The following MID1 variants were observed in gnomAD, a reference collection of about 807,000 sequenced individuals.
MID1 encodes midline 1, also known as E3 ubiquitin-protein ligase Midline-1.
In MID1, 7 loss-of-function variants were observed where a neutral mutation model predicts 40.4. That is an observed-to-expected ratio of 0.17 (90% CI 0.10 to 0.33). The LOEUF is 0.33. Ranked by LOEUF, MID1 falls within the 10% of genes least tolerant of loss-of-function variation. The pLI is 1.00. For synonymous variants in MID1, 229 were observed against 221.2 expected, an observed-to-expected ratio of 1.04 and a Z score of -0.31; for missense variants, 367 against 558.5, an observed-to-expected ratio of 0.66 and a Z score of 3.46.
chrX:10,667,650 C>A (rs1349997879), intron 1 of MID1, among the ~76,000 whole-genome samples: 1 of 111,278 alleles, frequency 9.0e-6, no homozygotes, highest in Non-Finnish European at 1.9e-5. Context: ...GGAGTCTTTT[C>A]GGAGACCTAG....
intron 2 of MID1, among the ~76,000 whole-genome samples, chrX:10,559,624 G>A (rs1158655645): frequency 8.9e-6 from 1 of 111,780 alleles, no homozygotes; most frequent in African/African-American, 3.3e-5. Flanking sequence ...TACAAGGCTT[G>A]GAAATGGTAG....
intron 1 of MID1, among the ~76,000 whole-genome samples, chrX:10,823,207 C>T (rs2044189586): frequency 9.0e-6 from 1 of 111,444 alleles, no homozygotes; most frequent in Admixed American, 9.5e-5. Context: ...TTATCCTCAG[C>T]AAACTAATTC....
At chrX:10,452,085 T>G (rs908682173) in intron 9 of MID1, among the ~76,000 whole-genome samples, 2 of 111,636 alleles carry the variant, frequency 1.8e-5, no homozygotes, top group African/African-American at 6.5e-5. Context: ...ACAGCATTTT[T>G]ATTTTTTATT....
chrX:10,534,885 T>C (rs1478925296), intron 2 of MID1, among the ~76,000 whole-genome samples: 1 of 112,738 alleles, frequency 8.9e-6, no homozygotes. Context: ...AGCATGCCAT[T>C]GTTTTTCAGC....
chrX:10,621,112 T>C (rs1935928810), upstream of MID1, among the ~76,000 whole-genome samples: 1 of 112,277 alleles, frequency 8.9e-6, no homozygotes. Flanking sequence ...CACAATTTTT[T>C]TGAAATGCAG....
chrX:10,505,649 T>C, intron 3 of MID1: 1 of 753,110 alleles, frequency 1.3e-6, no homozygotes. Context: ...GGTCAGAGGG[T>C]AAACAATAAC....
chrX:10,758,709 C>T (rs2043653465), intron 1 of MID1, among the ~76,000 whole-genome samples: 1 of 108,534 alleles, frequency 9.2e-6, no homozygotes, highest in African/African-American at 3.4e-5. Context: ...GAGATGGTCT[C>T]GATCTCCTGA....
intron 1 of MID1, among the ~76,000 whole-genome samples, chrX:10,754,670 G>A (rs977441552): frequency 9.0e-6 from 1 of 110,835 alleles, no homozygotes; most frequent in Non-Finnish European, 1.9e-5. Flanking sequence ...ACTGTATGAT[G>A]GTGATGCGAT....
At chrX:10,480,841 C>T (rs1271500656) in intron 5 of MID1, among the ~76,000 whole-genome samples, 2 of 111,720 alleles carry the variant, frequency 1.8e-5, no homozygotes, top group Non-Finnish European at 3.8e-5. Context: ...GGACAGTAGA[C>T]CAGAGTTGTA....
At position 10,501,224 on chromosome X, in the gene MID1, G is replaced by A. The variant is rs1238028759; in HGVS notation, c.757-5533C>T. 5.4e-5 allele frequency among the ~76,000 whole-genome samples: 6 copies of A among 111,340 alleles called. No individual in the cohort carries two copies. The Admixed American group carries it at 5.7e-4, about 11-fold the overall frequency. On this transcript the variant is annotated intron_variant, in intron 3 of 9. Transcript: ENST00000317552. The stretch of plus-strand genomic sequence containing the variant: ...ATCGGGAGGCAGAGGCAGGAGAATC[G>A]CTTGAACCCAGGAGTCGGAGGTTAC...
chrX:10,749,198 C>T (rs1200385371), intron 1 of MID1, among the ~76,000 whole-genome samples: 1 of 110,785 alleles, frequency 9.0e-6, no homozygotes, highest in Non-Finnish European at 1.9e-5. Context: ...TTCCAAGACA[C>T]TCATAAACTG....
intron 1 of MID1, among the ~76,000 whole-genome samples, chrX:10,692,390 C>A (rs1455910911): frequency 1.3e-4 from 14 of 111,341 alleles, no homozygotes; most frequent in Non-Finnish European, 2.6e-4. Flanking sequence ...CGTTGAAATA[C>A]TGGGGGCTGG....
At chrX:10,576,174 G>T (rs1221812175) in intron 1 of MID1, among the ~76,000 whole-genome samples, 1 of 111,245 alleles carries the variant, frequency 9.0e-6, no homozygotes, top group Non-Finnish European at 1.9e-5. Flanking sequence ...AACCAGGGAA[G>T]ACTTTTAATT....
chrX:10,765,462 T>C (rs951492399), intron 1 of MID1, among the ~76,000 whole-genome samples: 2 of 112,647 alleles, frequency 1.8e-5, no homozygotes, highest in African/African-American at 3.2e-5. Flanking sequence ...AAATGATTTA[T>C]CATGTAGCAT....
chrX:10,683,865 G>T (rs1339632731), intron 1 of MID1, among the ~76,000 whole-genome samples: 1 of 94,939 alleles, frequency 1.1e-5, no homozygotes, highest in African/African-American at 4.1e-5. Flanking sequence ...CTGCCTCCCT[G>T]GTTTGAGCAA....
rs766542552 is a variant in MID1 at position 10,710,739 on chromosome X, A to G, written c.-186-90320T>C. Among the ~76,000 whole-genome samples the G allele has an allele frequency of 5.4e-5, 6 of 111,509 alleles. No individual in the cohort carries two copies. The South Asian group carries it at 1.9e-3, about 36-fold the overall frequency. The stretch of plus-strand genomic sequence containing the variant: ...CACTGGACACAAAGTCTTCAATCAC[A>G]TTAGTCAGCATGTGTGGGAGAGTAA... On this transcript the variant is annotated intron_variant, in intron 1 of 10. Transcript: ENST00000380785.
intron 1 of MID1, among the ~76,000 whole-genome samples, chrX:10,809,118 G>A (rs1443830752): frequency 1.8e-5 from 2 of 111,734 alleles, no homozygotes; most frequent in Non-Finnish European, 3.8e-5. Flanking sequence ...GTGGGCGATG[G>A]ATATGAACAG....
chrX:10,799,829 T>G (rs1194608134), intron 1 of MID1, among the ~76,000 whole-genome samples: 1 of 104,824 alleles, frequency 9.5e-6, no homozygotes, highest in Non-Finnish European at 1.9e-5. Flanking sequence ...AGAAGAAATT[T>G]CCCAAAGGAG....
chrX:10,828,683 T>C (rs1460148604), intron 1 of MID1, among the ~76,000 whole-genome samples: 2 of 111,523 alleles, frequency 1.8e-5, no homozygotes, highest in Non-Finnish European at 3.8e-5. Flanking sequence ...CATTAGAAGG[T>C]ATATCATGCT....
Sources: allele counts gnomAD v4.1 joint callset (sites outside exome capture counted in the v4.1 genomes callset), GRCh38; gene constraint gnomAD v4.1.1; transcripts MANE v1.5; gene names NCBI Gene and HGNC (gene_info 2026-07-23, HGNC 2026-07-21).